FBXL2: variants seen among roughly 807,000 people sequenced by gnomAD.
The protein encoded by FBXL2 is F-box/LRR-repeat protein 2.
Under a neutral mutation model 69.2 loss-of-function variants are expected in FBXL2, and 38 were observed. The observed-to-expected ratio is 0.55, with a 90% CI of 0.42 to 0.72. The LOEUF (loss-of-function observed/expected upper bound fraction) is 0.72, where lower values mean the gene tolerates loss of function less well. Among genes scored for constraint, FBXL2 ranks in the 30% least tolerant of loss-of-function variants. The pLI is 0.00. For missense variants in FBXL2, 354 were observed against 520.3 expected (o/e 0.68, Z 3.11); for synonymous variants, 192 against 201.3 (o/e 0.95, Z 0.39).
At chr3:33,303,982 G>A (rs966525049) in intron 2 of FBXL2, among the ~76,000 whole-genome samples, 1 of 151,428 alleles carries the variant, frequency 6.6e-6, no homozygotes, top group Non-Finnish European at 1.5e-5. Context: ...TACTTTAGGT[G>A]GGAATATAAA....
chr3:33,283,291 A>G (rs999254162), intron 1 of FBXL2, among the ~76,000 whole-genome samples: 15 of 152,234 alleles, frequency 9.9e-5, no homozygotes, highest in African/African-American at 3.4e-4. Context: ...CCTTTTCTGC[A>G]TCTATTGAGA....
intron 1 of FBXL2, among the ~76,000 whole-genome samples, chr3:33,293,360 A>G (rs868421062): frequency 6.6e-6 from 1 of 152,178 alleles, no homozygotes; most frequent in Non-Finnish European, 1.5e-5. Flanking sequence ...GGCAGGTCCC[A>G]TTAATATCCC....
chr3:33,413,975 G>A, the FBXL2 span, among the ~76,000 whole-genome samples: 2 of 152,156 alleles, frequency 1.3e-5, no homozygotes, highest in Non-Finnish European at 2.9e-5. Context: ...AGTTCTAATT[G>A]TTCCATACTC....
intron 12 of FBXL2, chr3:33,400,919 G>C: frequency 6.4e-7 from 1 of 1,568,666 alleles, no homozygotes; most frequent in Non-Finnish European, 8.6e-7. Context: ...TTAAAATGTA[G>C]AACCCTGAAA....
chr3:33,303,854 G>A (rs1416975660), intron 2 of FBXL2, among the ~76,000 whole-genome samples: 3 of 151,714 alleles, frequency 2.0e-5, no homozygotes, highest in Non-Finnish European at 2.9e-5. Context: ...AAATACAAAT[G>A]GCTAATAAAT....
chr3:33,409,730 T>C, the FBXL2 span: 11 of 1,152,934 alleles, frequency 9.5e-6, no homozygotes, highest in Non-Finnish European at 1.3e-5. Flanking sequence ...ATCACACATA[T>C]TAGCCAAATT....
intron 1 of FBXL2, among the ~76,000 whole-genome samples, chr3:33,285,537 A>G (rs917887238): frequency 1.3e-5 from 2 of 152,078 alleles, no homozygotes; most frequent in Non-Finnish European, 2.9e-5. Flanking sequence ...GCTCTTCTCA[A>G]GGATTATCTT....
intron 2 of FBXL2, among the ~76,000 whole-genome samples, chr3:33,348,736 A>T (rs929767700): frequency 3.3e-5 from 5 of 152,014 alleles, no homozygotes; most frequent in Non-Finnish European, 7.4e-5. Flanking sequence ...CTAACCCATG[A>T]ACATGGAATA....
intron 1 of FBXL2, chr3:33,289,944 T>A: frequency 4.0e-6 from 1 of 252,916 alleles, no homozygotes; most frequent in Non-Finnish European, 6.2e-6. Flanking sequence ...TATGATTATC[T>A]AGGCTTTTAC....
intron 13 of FBXL2, chr3:33,383,717 A>C: frequency 2.4e-6 from 1 of 415,184 alleles, no homozygotes; most frequent in East Asian, 4.6e-5. Context: ...CCCATAACCA[A>C]AGGGCCCCAA....
At chr3:33,317,921 CT>C (rs1176482023) in intron 2 of FBXL2, among the ~76,000 whole-genome samples, 1 of 152,172 alleles carries the variant, frequency 6.6e-6, no homozygotes, top group Non-Finnish European at 1.5e-5. Context: ...ATTAGGGATA[CT>C]CAGCCCATAC....
chr3:33,330,496 A>T (rs2039063215), intron 2 of FBXL2, among the ~76,000 whole-genome samples: 1 of 152,212 alleles, frequency 6.6e-6, no homozygotes, highest in Non-Finnish European at 1.5e-5. Flanking sequence ...GGAAGAAAAT[A>T]ATTCAAATGT....
At chr3:33,400,291 A>G in intron 12 of FBXL2, 2 of 1,583,422 alleles carry the variant, frequency 1.3e-6, no homozygotes, top group South Asian at 1.2e-5. Flanking sequence ...TGCTATTAAC[A>G]ATGAAAATGA....
At chr3:33,357,044 T>C (rs1048090921) in intron 2 of FBXL2, among the ~76,000 whole-genome samples, 4 of 152,200 alleles carry the variant, frequency 2.6e-5, no homozygotes, top group Admixed American at 2.0e-4. Flanking sequence ...TTAACCTCTA[T>C]GCTCAGTGTC....
intron 2 of FBXL2, among the ~76,000 whole-genome samples, chr3:33,338,697 A>G (rs1022983114): frequency 1.3e-5 from 2 of 152,218 alleles, no homozygotes; most frequent in African/African-American, 2.4e-5. Flanking sequence ...TATTCAATGA[A>G]TGGTGCTGGG....
At chr3:33,336,427 T>C (rs2039582190) in intron 2 of FBXL2, among the ~76,000 whole-genome samples, 2 of 151,950 alleles carry the variant, frequency 1.3e-5, no homozygotes, top group Non-Finnish European at 2.9e-5. Flanking sequence ...TCAGAACATA[T>C]GCAAAGAGTA....
chr3:33,365,653 T>A (rs999476279), intron 5 of FBXL2, among the ~76,000 whole-genome samples: 2 of 152,086 alleles, frequency 1.3e-5, no homozygotes, highest in Non-Finnish European at 2.9e-5. Context: ...TTTGGGAGGC[T>A]GAGGTGGAAC....
At chr3:33,279,560 C>G (rs961337150) in intron 1 of FBXL2, among the ~76,000 whole-genome samples, 2 of 152,210 alleles carry the variant, frequency 1.3e-5, no homozygotes, top group African/African-American at 4.8e-5. Flanking sequence ...GCCACCATGC[C>G]TGGCCCCCAG....
At chr3:33,397,548 G>A (rs1307547903) in intron 12 of FBXL2, 1 of 153,114 alleles carries the variant, frequency 6.5e-6, no homozygotes, top group Non-Finnish European at 1.5e-5. Flanking sequence ...AAAAGGAAAT[G>A]GAAGTCCAGA....
Sources: allele counts gnomAD v4.1 joint callset (sites outside exome capture counted in the v4.1 genomes callset), GRCh38; gene constraint gnomAD v4.1.1; transcripts MANE v1.5; gene names NCBI Gene and HGNC (gene_info 2026-07-23, HGNC 2026-07-21).